Variants in CALN1 observed in about 807,000 individuals in gnomAD.
The protein encoded by CALN1 is calneuron 1, also known as calcium-binding protein 8.
CALN1 carries 17 observed loss-of-function variants against 30.6 expected under a neutral mutation model. The ratio of observed to expected loss-of-function variants is 0.56; its 90% CI spans 0.38 to 0.83. The LOEUF (loss-of-function observed/expected upper bound fraction) is 0.83. CALN1 is among the 40% of genes least tolerant of loss of function. The pLI, the probability that CALN1 is intolerant of heterozygous loss-of-function variation, is 0.00. For synonymous variants in CALN1, 156 were observed against 131.4 expected (o/e 1.19, Z -1.28); for missense variants, 291 against 354.9 (o/e 0.82, Z 1.45).
chr7:72,445,404 C>A (rs1309447820), intron 1 of CALN1, among the ~76,000 whole-genome samples: 1 of 152,074 alleles, frequency 6.6e-6, no homozygotes, highest in African/African-American at 2.4e-5. Context: ...AGAATCTGAC[C>A]CTCACAGACC....
intron 2 of CALN1, among the ~76,000 whole-genome samples, chr7:72,353,357 T>C (rs769412276): frequency 2.0e-5 from 3 of 152,078 alleles, no homozygotes; most frequent in Non-Finnish European, 4.4e-5. Flanking sequence ...TCCAGCAATA[T>C]ATAAAAAGGA....
the CALN1 span, among the ~76,000 whole-genome samples, chr7:72,499,911 TTCTA>T: frequency 4.3e-3 from 175 of 40,604 alleles, 30 homozygotes; most frequent in African/African-American, 0.018. Context: ...CTTTCTTTCT[TTCTA>T]TCTTTCTCTT....
At chr7:72,055,615 C>T (rs1040363639) in intron 4 of CALN1, among the ~76,000 whole-genome samples, 4 of 152,004 alleles carry the variant, frequency 2.6e-5, no homozygotes, top group Non-Finnish European at 5.9e-5. Flanking sequence ...GCAACAAATA[C>T]AGAGGAGATA....
chr7:72,161,240 C>A (rs1227851820), intron 3 of CALN1, among the ~76,000 whole-genome samples: 2 of 152,226 alleles, frequency 1.3e-5, no homozygotes, highest in Non-Finnish European at 2.9e-5. Flanking sequence ...AAATTGTCCA[C>A]ATCTTTCTTT....
chr7:72,332,650 T>C lies in CALN1; in HGVS notation c.120-53840A>G, dbSNP rs142773369. Among the ~76,000 whole-genome samples, 181 of 152,266 alleles carry C rather than the reference T, an allele frequency of 1.2e-3. 1 individual carries two copies. The highest frequency in any genetic ancestry group is 4.1e-3 in the African/African-American group (172 of 41,546). On this transcript the variant is annotated intron_variant, in intron 2 of 6. Coordinates refer to ENST00000395275, the MANE Select transcript of CALN1 (RefSeq NM_031468.4). ...GAGATCCCCTGGACTGCCTAATGCC[T>C]GAGTATTCCATGCCTGGTTCTTCAG...
intron 5 of CALN1, among the ~76,000 whole-genome samples, chr7:71,900,244 T>C (rs1793777475): frequency 6.6e-6 from 1 of 152,162 alleles, no homozygotes; most frequent in Non-Finnish European, 1.5e-5. Context: ...TTTTTTTAAA[T>C]GGCTAATTTA....
chr7:72,169,593 G>C (rs763605320), intron 3 of CALN1, among the ~76,000 whole-genome samples: 4 of 151,666 alleles, frequency 2.6e-5, no homozygotes, highest in Non-Finnish European at 5.9e-5. Context: ...AAAGTGCTGA[G>C]GTTACAGGCT....
intron 2 of CALN1, among the ~76,000 whole-genome samples, chr7:72,282,039 G>A (rs567684811): frequency 6.6e-6 from 1 of 152,262 alleles, no homozygotes; most frequent in South Asian, 2.1e-4. Context: ...CATGAGCAAT[G>A]GAACGATCCA....
intron 1 of CALN1, among the ~76,000 whole-genome samples, chr7:72,435,259 G>T (rs1352359155): frequency 1.3e-5 from 2 of 150,404 alleles, no homozygotes; most frequent in Admixed American, 6.6e-5. Flanking sequence ...AAAGGAAAAA[G>T]AAAAGAAAGG....
At chr7:72,031,533 T>C (rs764943371) in intron 4 of CALN1, among the ~76,000 whole-genome samples, 6 of 152,122 alleles carry the variant, frequency 3.9e-5, no homozygotes, top group Non-Finnish European at 7.3e-5. Context: ...GCAGCTACCA[T>C]GAGGCAGAGT....
intron 4 of CALN1, among the ~76,000 whole-genome samples, chr7:72,086,530 T>C (rs1805492803): frequency 6.6e-6 from 1 of 151,600 alleles, no homozygotes; most frequent in South Asian, 2.1e-4. Flanking sequence ...GCCTCTGGAG[T>C]TCAAGCGATT....
intron 5 of CALN1, among the ~76,000 whole-genome samples, chr7:71,849,834 T>C (rs753281970): frequency 1.2e-4 from 18 of 152,178 alleles, no homozygotes; most frequent in Non-Finnish European, 2.5e-4. Context: ...ATAGGGTCTA[T>C]GATGCCCAGG....
chr7:72,142,308 G>A (rs1385518344), intron 3 of CALN1, among the ~76,000 whole-genome samples: 1 of 152,144 alleles, frequency 6.6e-6, no homozygotes, highest in African/African-American at 2.4e-5. Context: ...TTAGCAAACG[G>A]CACACCAGGA....
the CALN1 span, among the ~76,000 whole-genome samples, chr7:72,473,239 C>T: frequency 3.9e-5 from 6 of 152,168 alleles, no homozygotes; most frequent in African/African-American, 1.4e-4. Flanking sequence ...ACATGAGCCA[C>T]CGTGCCCGGC....
In CALN1 at chr7:71,846,703, C is replaced by A. The variant is rs925379959; in HGVS notation, c.502-36211G>T. ...ATTTATCTACCTGTCTACTTGGAGG[C>A]TATATATATATATAGCCTACTAGGG... On this transcript the variant is annotated intron_variant, in intron 5 of 6. Coordinates refer to ENST00000395275, the MANE Select transcript of CALN1 (RefSeq NM_031468.4). Among the ~76,000 whole-genome samples, 11 of 145,824 alleles carry A rather than the reference C, an allele frequency of 7.5e-5. 1 individual carries two copies. Among genetic ancestry groups the A allele is most frequent in the Admixed American group, 6.2e-4 (9 of 14,410 alleles).
chr7:72,076,005 T>A (rs1360094181), intron 4 of CALN1, among the ~76,000 whole-genome samples: 1 of 152,088 alleles, frequency 6.6e-6, no homozygotes, highest in Non-Finnish European at 1.5e-5. Flanking sequence ...CCAGGACAGA[T>A]GAGGCCAATT....
chr7:72,059,798 G>GA (rs959403963), intron 4 of CALN1, among the ~76,000 whole-genome samples: 13 of 151,756 alleles, frequency 8.6e-5, no homozygotes, highest in East Asian at 1.9e-4. Context: ...CACTTAGGTT[G>GA]AAAAAAAACT....
intron 4 of CALN1, among the ~76,000 whole-genome samples, chr7:72,065,689 C>T (rs1803973257): frequency 6.6e-6 from 1 of 151,992 alleles, no homozygotes; most frequent in Non-Finnish European, 1.5e-5. Flanking sequence ...GTCAGGAGTT[C>T]AAGACCAGCC....
intron 2 of CALN1, among the ~76,000 whole-genome samples, chr7:72,312,074 C>T (rs10248548): frequency 0.27 from 41,455 of 151,940 alleles, 6,629 homozygotes; most frequent in Non-Finnish European, 0.37. Flanking sequence ...CTAAAAGCCA[C>T]CTGCCCTAGA....
Sources: gnomAD v4.1 joint callset for allele counts (sites outside exome capture counted in the v4.1 genomes callset) on GRCh38, gnomAD v4.1.1 for gene constraint, MANE v1.5 for transcripts, NCBI Gene and HGNC (gene_info 2026-07-23, HGNC 2026-07-21) for gene names.